The following EXOC6B variants were observed in gnomAD, a reference collection of about 807,000 sequenced individuals.
EXOC6B encodes the protein exocyst complex component 6B, also known as SEC15 homolog B.
Under a neutral mutation model 113.5 loss-of-function variants are expected in EXOC6B, and 54 were observed. The ratio of observed to expected loss-of-function variants is 0.48; its 90% CI spans 0.38 to 0.60. EXOC6B has a LOEUF of 0.60. Among genes scored for constraint, EXOC6B ranks in the 20% least tolerant of loss-of-function variants. The pLI, the probability that EXOC6B is intolerant of heterozygous loss-of-function variation, is 0.00. For missense variants in EXOC6B, 797 were observed against 977.5 expected, an observed-to-expected ratio of 0.82 and a Z score of 2.46; for synonymous variants, 357 against 339.0, an observed-to-expected ratio of 1.05 and a Z score of -0.58.
chr2:72,606,143 C>T (rs1670738158), intron 6 of EXOC6B, among the ~76,000 whole-genome samples: 1 of 152,010 alleles, frequency 6.6e-6, no homozygotes, highest in South Asian at 2.1e-4. Flanking sequence ...TCTACATAGG[C>T]CAATAGGAAT....
intron 1 of EXOC6B, among the ~76,000 whole-genome samples, chr2:72,811,303 C>A (rs567616822): frequency 6.6e-6 from 1 of 152,098 alleles, no homozygotes; most frequent in African/African-American, 2.4e-5. Flanking sequence ...GAACAAGACT[C>A]AAGACTCTGC....
At chr2:72,337,441 A>C (rs962951208) in intron 19 of EXOC6B, among the ~76,000 whole-genome samples, 2 of 152,200 alleles carry the variant, frequency 1.3e-5, no homozygotes, top group African/African-American at 4.8e-5. Context: ...CCAACTCAAC[A>C]GAATCACCCA....
chr2:72,429,441 T>TA (rs553204741), intron 18 of EXOC6B, among the ~76,000 whole-genome samples: 53 of 152,312 alleles, frequency 3.5e-4, no homozygotes, highest in African/African-American at 1.2e-3. Flanking sequence ...CGATTTGATA[T>TA]ATACATACAT....
intron 6 of EXOC6B, among the ~76,000 whole-genome samples, chr2:72,614,173 A>T (rs1184312279): frequency 2.0e-5 from 3 of 152,192 alleles, no homozygotes; most frequent in Non-Finnish European, 4.4e-5. Context: ...AATAGGAATT[A>T]GCGCCTCTGG....
intron 8 of EXOC6B, among the ~76,000 whole-genome samples, chr2:72,531,985 C>CA (rs1420440593): frequency 6.6e-6 from 1 of 150,560 alleles, no homozygotes; most frequent in Non-Finnish European, 1.5e-5. Context: ...GACTCCTTCT[C>CA]AAAAAAAATA....
chr2:72,513,601 T>G (rs1441322281), intron 10 of EXOC6B, among the ~76,000 whole-genome samples: 1 of 151,788 alleles, frequency 6.6e-6, no homozygotes, highest in African/African-American at 2.4e-5. Flanking sequence ...ATCAATGCAT[T>G]TCAAAAAAAC....
At chr2:72,422,530 C>A (rs994442438) in intron 18 of EXOC6B, among the ~76,000 whole-genome samples, 2 of 151,874 alleles carry the variant, frequency 1.3e-5, no homozygotes, top group African/African-American at 2.4e-5. Flanking sequence ...CTGTATCTAG[C>A]TGCTCTGGTG....
intron 6 of EXOC6B, among the ~76,000 whole-genome samples, chr2:72,603,784 T>A (rs1411779800): frequency 2.0e-5 from 3 of 152,150 alleles, no homozygotes; most frequent in African/African-American, 7.2e-5. Flanking sequence ...AACTGGAGGT[T>A]GAGCCAGTCA....
chr2:72,728,044 G>A (rs777847675), intron 5 of EXOC6B, among the ~76,000 whole-genome samples: 1 of 151,956 alleles, frequency 6.6e-6, no homozygotes, highest in Non-Finnish European at 1.5e-5. Flanking sequence ...TCACAATCAC[G>A]AGAGACTGGC....
At chr2:72,688,217 C>A (rs954573583) in intron 6 of EXOC6B, among the ~76,000 whole-genome samples, 1 of 152,164 alleles carries the variant, frequency 6.6e-6, no homozygotes, top group Admixed American at 6.5e-5. Flanking sequence ...CTTTTCAATG[C>A]TCTTGACTAC....
chr2:72,496,909 A>C (rs1700064253), intron 13 of EXOC6B, among the ~76,000 whole-genome samples: 1 of 150,258 alleles, frequency 6.7e-6, no homozygotes. Context: ...GAAAAGGCAA[A>C]GATATTTTCT....
chr2:72,581,981 C>A (rs1471635637), intron 6 of EXOC6B, among the ~76,000 whole-genome samples: 1 of 152,114 alleles, frequency 6.6e-6, no homozygotes, highest in Non-Finnish European at 1.5e-5. Context: ...CAGATATATA[C>A]CCAACCACAT....
intron 6 of EXOC6B, among the ~76,000 whole-genome samples, chr2:72,675,745 G>C (rs1676251667): frequency 6.6e-6 from 1 of 151,082 alleles, no homozygotes; most frequent in South Asian, 2.1e-4. Context: ...AGTGAGCCAA[G>C]ATCACACCAC....
At chr2:72,196,354 C>A (rs1297269831) in intron 20 of EXOC6B, among the ~76,000 whole-genome samples, 1 of 151,916 alleles carries the variant, frequency 6.6e-6, no homozygotes, top group Admixed American at 6.6e-5. Flanking sequence ...TGTCCTTATA[C>A]CCTGGGTAAA....
rs565810422 is a variant in EXOC6B at position 72,672,069 on chromosome 2, G to A, written c.669+46034C>T. On this transcript the variant is annotated intron_variant, in intron 6 of 21. Transcript: ENST00000272427. ...GGGTGCTGGCAAGGATATGGAGGACGGGGTACCCTCATACATTGTTGGTGG... is the reference window on the plus strand; with the variant it reads ...GGGTGCTGGCAAGGATATGGAGGACAGGGTACCCTCATACATTGTTGGTGG... 7.5e-4 allele frequency among the ~76,000 whole-genome samples: 114 copies of A among 151,968 alleles called. 1 individual carries two copies. Among genetic ancestry groups the A allele is most frequent in the African/African-American group, 2.7e-3 (112 of 41,460 alleles).
At chr2:72,649,729 T>C (rs1035130682) in intron 6 of EXOC6B, among the ~76,000 whole-genome samples, 2 of 151,988 alleles carry the variant, frequency 1.3e-5, no homozygotes, top group South Asian at 2.1e-4. Context: ...CACACATAAT[T>C]CAATGGAACA....
chr2:72,510,310 G>A (rs1028391402), intron 11 of EXOC6B, among the ~76,000 whole-genome samples: 5 of 151,924 alleles, frequency 3.3e-5, no homozygotes, highest in African/African-American at 1.2e-4. Context: ...GAGCAAATGA[G>A]CAATACCTAG....
At chr2:72,579,972 T>C (rs1705110795) in intron 6 of EXOC6B, among the ~76,000 whole-genome samples, 1 of 151,642 alleles carries the variant, frequency 6.6e-6, no homozygotes, top group Non-Finnish European at 1.5e-5. Flanking sequence ...TCCTTATCTA[T>C]ATATATAAAA....
Position 72,383,380 on chromosome 2 carries a change from C to T in EXOC6B, c.1981-3510G>A, listed in dbSNP as rs143516235. On this transcript the variant is annotated intron_variant, in intron 18 of 21. Coordinates refer to ENST00000272427, the MANE Select transcript of EXOC6B (RefSeq NM_015189.3). ...CAAAAGAAGTCACACATGTGGCCAA[C>T]AAGCATATGACAAAATGTTCAACGT... is the stretch of plus-strand genomic sequence containing the variant. Among the ~76,000 whole-genome samples the T allele has an allele frequency of 5.3e-5, 8 of 152,126 alleles. No homozygotes were observed. The East Asian group carries it at 1.4e-3, about 26-fold the overall frequency.
Sources: allele counts gnomAD v4.1 joint callset (sites outside exome capture counted in the v4.1 genomes callset), GRCh38; gene constraint gnomAD v4.1.1; transcripts MANE v1.5; gene names NCBI Gene and HGNC (gene_info 2026-07-23, HGNC 2026-07-21).